FAM193A: variants seen among roughly 807,000 people sequenced by gnomAD.
The protein encoded by FAM193A is family with sequence similarity 193 member A, also known as protein FAM193A.
A neutral mutation model predicts 126.5 loss-of-function variants in FAM193A; 22 were observed. That is an observed-to-expected ratio of 0.17 (90% CI 0.12 to 0.25). The LOEUF is 0.25. Among genes scored for constraint, FAM193A ranks in the 10% least tolerant of loss-of-function variants. The probability of loss-of-function intolerance (pLI) is 1.00; values close to 1 mark genes in which losing one functional copy is unlikely to be tolerated. For synonymous variants in FAM193A, 761 were observed against 646.8 expected (o/e 1.18, Z -2.68); for missense variants, 1,675 against 1,672.8 (o/e 1.00, Z -0.02).
intron 7 of FAM193A, among the ~76,000 whole-genome samples, chr4:2,653,311 T>C (rs944836483): frequency 6.6e-6 from 1 of 152,204 alleles, no homozygotes; most frequent in Non-Finnish European, 1.5e-5. Flanking sequence ...AAATAACACA[T>C]ACATGTTCTC....
Position 2,536,966 on chromosome 4 carries a change from GGGC to G in FAM193A, c.64_66del (p.Gly22del), listed in dbSNP as rs963264565. The G allele has an allele frequency of 7.4e-5, 11 of 149,232 alleles. No individual in the cohort carries two copies. Among genetic ancestry groups the G allele is most frequent in the Non-Finnish European group, 1.3e-4 (9 of 67,396 alleles). The allele number at this position is 149,232 out of a possible 1,614,324, so 9.2% of individuals were successfully genotyped here. A position where few individuals can be genotyped will look rare whatever the true frequency, so the allele number is the denominator to read the frequency against. On this transcript the variant is annotated inframe_deletion, in exon 1 of 21. Transcript: ENST00000637812. ...GGGCCAAGCGCCGGAAGAACAAGCG[GGGC>G]GGCGGCGGCGGCTCGGGCGGGGGTA...
chr4:2,708,845 T>G (rs1718604345), intron 19 of FAM193A, among the ~76,000 whole-genome samples: 1 of 152,208 alleles, frequency 6.6e-6, no homozygotes, highest in Non-Finnish European at 1.5e-5. Flanking sequence ...TTTCCAGGCA[T>G]TCTATTATAT....
At chr4:2,583,542 T>A (rs1740071095) in intron 1 of FAM193A, among the ~76,000 whole-genome samples, 1 of 151,532 alleles carries the variant, frequency 6.6e-6, no homozygotes, top group Non-Finnish European at 1.5e-5. Context: ...AGTTCTGCGC[T>A]ACTGTCTTTG....
At chr4:2,632,393 C>A (rs1043349325) in intron 5 of FAM193A, among the ~76,000 whole-genome samples, 2 of 151,858 alleles carry the variant, frequency 1.3e-5, no homozygotes, top group African/African-American at 4.8e-5. Flanking sequence ...TGGGGAGACC[C>A]CACCTATACC....
At chr4:2,609,909 CAG>C (rs1019548702) in intron 2 of FAM193A, among the ~76,000 whole-genome samples, 21 of 150,398 alleles carry the variant, frequency 1.4e-4, no homozygotes, top group Non-Finnish European at 3.1e-4. Flanking sequence ...AGCCTAATGA[CAG>C]AGCGAGACTC....
chr4:2,563,335 G>GTGGA (rs1738741512), intron 1 of FAM193A, among the ~76,000 whole-genome samples: 1 of 152,202 alleles, frequency 6.6e-6, no homozygotes, highest in Admixed American at 6.5e-5. Flanking sequence ...TGACACAGCT[G>GTGGA]TGGAAGCCTT....
intron 2 of FAM193A, among the ~76,000 whole-genome samples, chr4:2,611,657 C>G (rs933256137): frequency 3.3e-5 from 5 of 152,056 alleles, no homozygotes; most frequent in Non-Finnish European, 5.9e-5. Context: ...AGTGGCTGTT[C>G]AGATCTTCTG....
At chr4:2,538,881 A>G (rs990897967) in intron 1 of FAM193A, among the ~76,000 whole-genome samples, 1 of 151,782 alleles carries the variant, frequency 6.6e-6, no homozygotes. Flanking sequence ...GTAAAATATA[A>G]CTTTATTATT....
chr4:2,592,116 A>T (rs1332898809), intron 1 of FAM193A, among the ~76,000 whole-genome samples: 1 of 151,532 alleles, frequency 6.6e-6, no homozygotes, highest in Non-Finnish European at 1.5e-5. Flanking sequence ...TTTGAGATGG[A>T]GTATTGCTCT....
At chr4:2,551,776 G>C (rs903894434) in intron 1 of FAM193A, among the ~76,000 whole-genome samples, 10 of 150,496 alleles carry the variant, frequency 6.6e-5, no homozygotes, top group Non-Finnish European at 1.2e-4. Context: ...CAGTGTGTTT[G>C]ATTTTTTTTT....
chr4:2,703,375 T>C (rs1243155885), intron 19 of FAM193A, among the ~76,000 whole-genome samples: 1 of 152,150 alleles, frequency 6.6e-6, no homozygotes, highest in East Asian at 1.9e-4. Flanking sequence ...GCCTCCCAAG[T>C]AGCTGAAATT....
At chr4:2,639,936 G>A (rs1744454873) in intron 6 of FAM193A, 77 bp downstream of exon 6, 11 of 1,340,924 alleles carry the variant, frequency 8.2e-6, no homozygotes, top group South Asian at 6.2e-5. Flanking sequence ...GCGTGTACCC[G>A]AGTACCACTG....
intron 3 of FAM193A, among the ~76,000 whole-genome samples, chr4:2,625,971 G>C (rs2285082): frequency 6.6e-6 from 1 of 151,856 alleles, no homozygotes; most frequent in Non-Finnish European, 1.5e-5. Context: ...CGATTAGCCC[G>C]TCTTCACCTC....
chr4:2,653,056 G>T lies in FAM193A; in HGVS notation c.1312-4747G>T, dbSNP rs535900253. 3.3e-5 allele frequency among the ~76,000 whole-genome samples: 5 copies of T among 152,314 alleles called. No homozygotes were observed. In the South Asian group the frequency reaches 1.0e-3, roughly 32 times the overall value. On this transcript the variant is annotated intron_variant, in intron 7 of 20. Transcript: ENST00000637812. ...AACATCCTGCCCCTAAGAGCCTGGG[G>T]TGCTGTCCTTAGTTCCACATGTGAT... is the stretch of plus-strand genomic sequence containing the variant.
rs1170696466 is a variant in FAM193A at position 2,672,224 on chromosome 4, A to C, written c.2183A>C (p.Gln728Pro). 1 of 1,614,198 alleles carries C rather than the reference A, an allele frequency of 6.2e-7. No homozygotes were observed. Among genetic ancestry groups the C allele is most frequent in the East Asian group, 2.2e-5 (1 of 44,886 alleles). Residue 728 changes from glutamine to proline, a missense_variant, in exon 13 of 21, where the codon CAG becomes CCG. By Grantham distance (76) the Gln-to-Pro change is moderately conservative. Around this residue, in one of 4 missense-constraint regions of FAM193A, gnomAD observed 1,186 missense variants for 1,109.2 expected, o/e 1.07. Coordinates refer to ENST00000637812, the MANE Select transcript of FAM193A (RefSeq NM_001366318.2). ...MTAGALPPGHQFLSPEKPTHP... is the reference protein window; with the variant it reads ...MTAGALPPGHPFLSPEKPTHP... ...GCCGGAGCCCTTCCTCCTGGCCATC[A>C]GTTCTTGAGCCCAGAGAAGCCCACA...
chr4:2,700,634 T>G, intron 19 of FAM193A, 90 bp downstream of exon 19: 2 of 1,487,068 alleles, frequency 1.3e-6, no homozygotes, highest in Non-Finnish European at 9.0e-7. Context: ...GGGTTTGGCA[T>G]GCTCTCGCCA....
intron 12 of FAM193A, 24 bp from the exon 13 acceptor site, chr4:2,672,097 T>C: frequency 6.2e-7 from 1 of 1,610,528 alleles, no homozygotes; most frequent in Non-Finnish European, 8.5e-7. Flanking sequence ...ACTAAATAGG[T>C]ATGTTTTTTT....
chr4:2,689,581 T>C lies in FAM193A; in HGVS notation c.2407T>C (p.Tyr803His), dbSNP rs1180656617. 6.4e-7 allele frequency: 1 copy of C among 1,551,088 alleles called. No homozygotes were observed. The highest frequency in any genetic ancestry group is 8.6e-7 in the Non-Finnish European group (1 of 1,157,332). The stretch of plus-strand genomic sequence containing the variant: ...CAATGCATCTCTTCAAGACCATATT[T>C]ATCCGAGCTGTTTTGGGAATACTCC... ...VFNASLQDHIYPSCFGNTPEW... is the reference protein window; with the variant it reads ...VFNASLQDHIHPSCFGNTPEW... Residue 803 changes from tyrosine (Y) to histidine (H), a missense_variant, in exon 14 of 21, where the codon TAT becomes CAT. Physicochemically the swap from Tyr to His is moderately conservative, Grantham distance 83 (BLOSUM62 2). Transcript: ENST00000637812.
intron 1 of FAM193A, among the ~76,000 whole-genome samples, chr4:2,566,268 C>G (rs989070178): frequency 6.6e-6 from 1 of 152,062 alleles, no homozygotes; most frequent in Non-Finnish European, 1.5e-5. Flanking sequence ...AGCATGGTCT[C>G]GATCTTCTGA....
Sources: allele counts gnomAD v4.1 joint callset (sites outside exome capture counted in the v4.1 genomes callset), GRCh38; gene constraint gnomAD v4.1.1; regional missense constraint gnomAD v4.1.1; transcripts MANE v1.5; gene names NCBI Gene and HGNC (gene_info 2026-07-23, HGNC 2026-07-21).